The following RPH3A variants were observed in gnomAD, a reference collection of about 807,000 sequenced individuals.
The protein encoded by RPH3A is rabphilin 3A.
RPH3A carries 48 observed loss-of-function variants against 102.2 expected under a neutral mutation model. The observed-to-expected ratio is 0.47, with a 90% CI of 0.37 to 0.60. The LOEUF is 0.60. Among genes scored for constraint, RPH3A ranks in the 20% least tolerant of loss-of-function variants. The pLI, the probability that RPH3A is intolerant of heterozygous loss-of-function variation, is 0.00. For synonymous variants in RPH3A, 310 were observed against 324.3 expected (o/e 0.96, Z 0.47); for missense variants, 781 against 910.1 (o/e 0.86, Z 1.83).
intron 1 of RPH3A, among the ~76,000 whole-genome samples, chr12:112,602,448 A>G (rs2039565999): frequency 2.0e-5 from 3 of 152,136 alleles, no homozygotes; most frequent in Non-Finnish European, 1.5e-5. Flanking sequence ...TTACCATCCA[A>G]ACATTCCCAG....
chr12:112,694,521 A>G (rs1592947605), intron 1 of RPH3A, among the ~76,000 whole-genome samples: 1 of 152,084 alleles, frequency 6.6e-6, no homozygotes, highest in Admixed American at 6.5e-5. Flanking sequence ...CAGCAGCAGC[A>G]TAAGAAAGGA....
At chr12:112,888,648 A>T (rs2043042987) in intron 17 of RPH3A, among the ~76,000 whole-genome samples, 2 of 152,244 alleles carry the variant, frequency 1.3e-5, no homozygotes, top group Non-Finnish European at 2.9e-5. Flanking sequence ...ATTGAATGTG[A>T]TAATACATAT....
intron 1 of RPH3A, among the ~76,000 whole-genome samples, chr12:112,679,393 T>C (rs1468992219): frequency 6.6e-6 from 1 of 151,970 alleles, no homozygotes; most frequent in East Asian, 1.9e-4. Flanking sequence ...GACTTCATGA[T>C]CCTCCTGCCT....
intron 2 of RPH3A, among the ~76,000 whole-genome samples, chr12:112,815,952 C>T (rs991888769): frequency 2.0e-5 from 3 of 152,060 alleles, no homozygotes; most frequent in African/African-American, 7.2e-5. Context: ...TGCAGGGAGC[C>T]CTGAAGAGTG....
rs562839946 is a variant in RPH3A, at chr12:112,741,484, T to G, written c.-139-50659T>G. Among the ~76,000 whole-genome samples the G allele has an allele frequency of 2.6e-5, 4 of 152,304 alleles. No homozygotes were observed. The East Asian group carries it at 7.7e-4, about 29-fold the overall frequency. ...AGAATTCCTTGTAGACATAGAGCTGTCTTTGTTTAGAAGACCGCTTTAATG... is the reference window on the plus strand; with the variant it reads ...AGAATTCCTTGTAGACATAGAGCTGGCTTTGTTTAGAAGACCGCTTTAATG... On this transcript the variant is annotated intron_variant, in intron 1 of 21. Coordinates refer to the RPH3A transcript ENST00000543106.
intron 1 of RPH3A, among the ~76,000 whole-genome samples, chr12:112,595,220 A>T (rs762588667): frequency 5.9e-5 from 9 of 152,220 alleles, no homozygotes; most frequent in Non-Finnish European, 1.3e-4. Flanking sequence ...AGCTCTCAGA[A>T]TAGTACTTAG....
intron 5 of RPH3A, among the ~76,000 whole-genome samples, chr12:112,854,199 C>T (rs997434159): frequency 2.6e-5 from 4 of 152,332 alleles, no homozygotes; most frequent in African/African-American, 9.6e-5. Context: ...TACCCAGTTG[C>T]AACAACTAAA....
At chr12:112,895,625 G>A in intron 20 of RPH3A, 152 bp from the exon 21 acceptor site, 7 of 582,428 alleles carry the variant, frequency 1.2e-5, no homozygotes, top group South Asian at 1.1e-4. Flanking sequence ...GGGACCTGGG[G>A]CAGAGGATCG....
At position 112,770,281 on chromosome 12, in the gene RPH3A, C is replaced by T. The variant is rs568579451; in HGVS notation, c.-139-21862C>T. Among the ~76,000 whole-genome samples, 8 of 143,344 alleles carry T rather than the reference C, an allele frequency of 5.6e-5. No homozygotes were observed. In the South Asian group the frequency reaches 1.7e-3, roughly 31 times the overall value. The allele number at this position is 143,344 out of a possible 152,430, so 94.0% of individuals were successfully genotyped here. Reference sequence around the variant, plus strand: ...TGGAGTGGCTGTCTCAGAATTCTGTCATTCTTTTATTTATTTATTTATTTA... The same window carrying T: ...TGGAGTGGCTGTCTCAGAATTCTGTTATTCTTTTATTTATTTATTTATTTA... On this transcript the variant is annotated intron_variant, in intron 1 of 21. Transcript: ENST00000543106.
intron 1 of RPH3A, among the ~76,000 whole-genome samples, chr12:112,588,754 C>T (rs920979931): frequency 6.6e-6 from 1 of 152,128 alleles, no homozygotes; most frequent in Non-Finnish European, 1.5e-5. Context: ...GGGTGTGGGG[C>T]CTGTGGGTGT....
At chr12:112,829,819 TA>T (rs1029090971) in intron 3 of RPH3A, among the ~76,000 whole-genome samples, 6 of 151,968 alleles carry the variant, frequency 3.9e-5, no homozygotes, top group South Asian at 2.1e-4. Context: ...GACAAATAAT[TA>T]AAAAAAAGTT....
At chr12:112,850,000 G>A (rs2042296426) in intron 5 of RPH3A, among the ~76,000 whole-genome samples, 1 of 152,132 alleles carries the variant, frequency 6.6e-6, no homozygotes, top group African/African-American at 2.4e-5. Context: ...TCTAGAACAG[G>A]GTAAATGAGG....
chr12:112,616,146 T>C (rs1471500652), intron 1 of RPH3A, among the ~76,000 whole-genome samples: 1 of 152,126 alleles, frequency 6.6e-6, no homozygotes, highest in Non-Finnish European at 1.5e-5. Context: ...TCCATTCTTT[T>C]TTTGTTTTTG....
At chr12:112,829,968 G>A (rs1320051594) in intron 3 of RPH3A, among the ~76,000 whole-genome samples, 1 of 152,090 alleles carries the variant, frequency 6.6e-6, no homozygotes, top group Non-Finnish European at 1.5e-5. Context: ...ACATAAGGTT[G>A]GAAAGGAGAT....
At chr12:112,785,556 G>A (rs1412107817) in intron 1 of RPH3A, among the ~76,000 whole-genome samples, 1 of 152,092 alleles carries the variant, frequency 6.6e-6, no homozygotes, top group Non-Finnish European at 1.5e-5. Context: ...AATCACAATG[G>A]CCATGATAAT....
chr12:112,743,497 C>T (rs2040724319), intron 1 of RPH3A, among the ~76,000 whole-genome samples: 1 of 152,218 alleles, frequency 6.6e-6, no homozygotes, highest in African/African-American at 2.4e-5. Context: ...CATGTCTGCT[C>T]CCTGGCTACT....
chr12:112,866,863 G>A, intron 7 of RPH3A, 23 bp downstream of exon 7: 3 of 1,582,796 alleles, frequency 1.9e-6, no homozygotes, highest in Non-Finnish European at 2.6e-6. Flanking sequence ...GTCCCACCTG[G>A]TGCCTAGATC....
At chr12:112,610,526 G>A (rs902420114) in intron 1 of RPH3A, among the ~76,000 whole-genome samples, 11 of 139,582 alleles carry the variant, frequency 7.9e-5, no homozygotes, top group South Asian at 4.8e-4. Context: ...AAAAAAAAAA[G>A]CCTTCCTTGA....
chr12:112,720,473 C>T (rs1163718138), intron 1 of RPH3A, among the ~76,000 whole-genome samples: 1 of 152,188 alleles, frequency 6.6e-6, no homozygotes, highest in African/African-American at 2.4e-5. Context: ...GATTTTCCTT[C>T]CAGTTTTAAT....
Sources: allele counts gnomAD v4.1 joint callset (sites outside exome capture counted in the v4.1 genomes callset), GRCh38; gene constraint gnomAD v4.1.1; transcripts MANE v1.5; gene names NCBI Gene and HGNC (gene_info 2026-07-23, HGNC 2026-07-21).